The following GNA14 variants were observed in gnomAD, a reference collection of about 807,000 sequenced individuals.
GNA14 encodes G protein subunit alpha 14.
A neutral mutation model predicts 42.0 loss-of-function variants in GNA14; 50 were observed. The ratio of observed to expected loss-of-function variants is 1.19; its 90% CI spans 0.95 to 1.51. The LOEUF is 1.51. Among genes scored for constraint, GNA14 ranks in the 40% most tolerant of loss-of-function variants. GNA14 has a pLI of 0.00. For synonymous variants in GNA14, 173 were observed against 163.1 expected (o/e 1.06, Z -0.46); for missense variants, 473 against 446.2 (o/e 1.06, Z -0.54).
chr9:77,640,115 C>G (rs3847324), intron 1 of GNA14, among the ~76,000 whole-genome samples: 36,447 of 152,162 alleles, frequency 0.24, 6,056 homozygotes, highest in African/African-American at 0.46. Context: ...CTATAAAGGT[C>G]TGCAGAGAGG....
chr9:77,557,171 A>G (rs1460005150), intron 1 of GNA14, among the ~76,000 whole-genome samples: 1 of 152,192 alleles, frequency 6.6e-6, no homozygotes, highest in South Asian at 2.1e-4. Flanking sequence ...CATGCACTAC[A>G]TGCATATACG....
At chr9:77,633,950 T>C (rs1424304718) in intron 1 of GNA14, among the ~76,000 whole-genome samples, 1 of 152,202 alleles carries the variant, frequency 6.6e-6, no homozygotes, top group East Asian at 1.9e-4. Context: ...TGCTTTAATA[T>C]TGCCTTTTCC....
intron 2 of GNA14, among the ~76,000 whole-genome samples, chr9:77,509,942 CTTTG>C (rs1212407737): frequency 6.6e-6 from 1 of 151,942 alleles, no homozygotes; most frequent in African/African-American, 2.4e-5. Context: ...ACGTAGTAGT[CTTTG>C]TTTTTTAATA....
At chr9:77,478,811 C>T (rs1587787408) in intron 2 of GNA14, among the ~76,000 whole-genome samples, 2 of 152,146 alleles carry the variant, frequency 1.3e-5, no homozygotes, top group African/African-American at 2.4e-5. Flanking sequence ...TGTCTTTTGG[C>T]TGCATTAATG....
At chr9:77,567,086 G>C (rs1003690628) in intron 1 of GNA14, among the ~76,000 whole-genome samples, 2 of 152,096 alleles carry the variant, frequency 1.3e-5, no homozygotes, top group African/African-American at 4.8e-5. Flanking sequence ...TTATTATTTA[G>C]AGATGATCCT....
At chr9:77,489,166 G>GA (rs765627492) in intron 2 of GNA14, among the ~76,000 whole-genome samples, 8 of 151,940 alleles carry the variant, frequency 5.3e-5, no homozygotes, top group Non-Finnish European at 1.2e-4. Context: ...ACAACAGAAT[G>GA]AATCAAGCAG....
In GNA14 at chr9:77,424,092, C is replaced by T. The variant is rs777741834; in HGVS notation, c.955G>A (p.Val319Ile). 3 of 1,612,534 alleles carry T rather than the reference C, an allele frequency of 1.9e-6. No homozygotes were observed. Among genetic ancestry groups the T allele is most frequent in the South Asian group, 2.2e-5 (2 of 90,838 alleles). ...YQDQNPDKEK[V>I]IYSHFTCATD... is the part of the protein sequence containing the mutation. ...GCACATGTGAAGTGAGAGTAGATGA[C>T]TTTCTCTTTGTCAGGATTCTGATCT... The change falls in exon 7 of 7, where the codon GTC becomes ATC. Residue 319 changes from valine (V) to isoleucine (I), a missense_variant. Physicochemically the swap from Val to Ile is conservative, Grantham distance 29 (BLOSUM62 3). Coordinates refer to ENST00000341700, the MANE Select transcript of GNA14 (RefSeq NM_004297.4).
intron 2 of GNA14, among the ~76,000 whole-genome samples, chr9:77,495,296 T>C (rs776623360): frequency 7.3e-4 from 111 of 152,218 alleles, no homozygotes; most frequent in Non-Finnish European, 1.3e-3. Flanking sequence ...TGTAGCTAGT[T>C]AGTAGCTAAC....
intron 1 of GNA14, among the ~76,000 whole-genome samples, chr9:77,641,762 A>G (rs181814783): frequency 5.3e-5 from 8 of 152,316 alleles, no homozygotes; most frequent in Admixed American, 1.3e-4. Context: ...TGAACCAACA[A>G]AACTGGGATA....
intron 1 of GNA14, among the ~76,000 whole-genome samples, chr9:77,640,644 T>G (rs1824242061): frequency 6.6e-6 from 1 of 152,146 alleles, no homozygotes; most frequent in Non-Finnish European, 1.5e-5. Context: ...ATGACATGAC[T>G]TAGCACCTTG....
intron 2 of GNA14, among the ~76,000 whole-genome samples, chr9:77,434,904 C>G (rs902655879): frequency 1.3e-5 from 2 of 152,104 alleles, no homozygotes; most frequent in Non-Finnish European, 2.9e-5. Flanking sequence ...ATCTGCATAG[C>G]CAATGAGGCC....
chr9:77,432,833 G>A (rs1025253641), intron 3 of GNA14, among the ~76,000 whole-genome samples: 1 of 152,146 alleles, frequency 6.6e-6, no homozygotes, highest in Non-Finnish European at 1.5e-5. Context: ...GGCCTTCACA[G>A]AGGCAGGTAA....
At chr9:77,484,540 A>T (rs919517290) in intron 2 of GNA14, among the ~76,000 whole-genome samples, 13 of 152,172 alleles carry the variant, frequency 8.5e-5, no homozygotes, top group African/African-American at 3.1e-4. Context: ...TGTTTCCATT[A>T]GAAAGTAAGA....
In GNA14 at chr9:77,528,978, A is replaced by T. The variant is rs143690546; in HGVS notation, c.309+91T>A. 1.8e-4 allele frequency: 204 copies of T among 1,102,772 alleles called. No individual in the cohort carries two copies. In the East Asian group the frequency reaches 4.7e-3, roughly 25 times the overall value. The allele number at this position is 1,102,772 out of a possible 1,614,324, so 68.3% of individuals were successfully genotyped here. The stretch of plus-strand genomic sequence containing the variant: ...CCAGGGAACAAGAGCTTCTTCTGGC[A>T]TCTGACCAAAGCACTGAGGGAATCT... On this transcript the variant is annotated intron_variant, in intron 2 of 6. Coordinates refer to ENST00000341700, the MANE Select transcript of GNA14 (RefSeq NM_004297.4).
At chr9:77,437,831 A>C (rs1336280656) in intron 2 of GNA14, among the ~76,000 whole-genome samples, 1 of 152,162 alleles carries the variant, frequency 6.6e-6, no homozygotes, top group African/African-American at 2.4e-5. Context: ...ACGAGTGAGC[A>C]ATCAACTCAA....
At chr9:77,600,813 G>C (rs1267418226) in intron 1 of GNA14, among the ~76,000 whole-genome samples, 1 of 152,136 alleles carries the variant, frequency 6.6e-6, no homozygotes, top group African/African-American at 2.4e-5. Flanking sequence ...CAGCTACTGG[G>C]GAGGCTGAGG....
At chr9:77,635,215 T>C (rs1404372904) in intron 1 of GNA14, 2 of 152,138 alleles carry the variant, frequency 1.3e-5, no homozygotes, top group African/African-American at 2.4e-5. Context: ...AAATATGGAA[T>C]GCTTCATGAA....
chr9:77,582,956 TG>T (rs1428945961), intron 1 of GNA14, among the ~76,000 whole-genome samples: 1 of 152,216 alleles, frequency 6.6e-6, no homozygotes, highest in African/African-American at 2.4e-5. Context: ...TGGCAAGGCT[TG>T]ATTTTCACAC....
chr9:77,502,994 G>C (rs1228806576), intron 2 of GNA14, among the ~76,000 whole-genome samples: 1 of 152,136 alleles, frequency 6.6e-6, no homozygotes, highest in East Asian at 1.9e-4. Flanking sequence ...TCAGAGTCTG[G>C]AATATATGAG....
Sources: gnomAD v4.1 joint callset for allele counts (sites outside exome capture counted in the v4.1 genomes callset) on GRCh38, gnomAD v4.1.1 for gene constraint, MANE v1.5 for transcripts, NCBI Gene and HGNC (gene_info 2026-07-23, HGNC 2026-07-21) for gene names.